The following NOSTRIN variants were observed in gnomAD, a reference collection of about 807,000 sequenced individuals.
NOSTRIN encodes the protein BM247 homolog.
In NOSTRIN, 63 loss-of-function variants were observed where a neutral mutation model predicts 59.0. The ratio of observed to expected loss-of-function variants is 1.07; its 90% CI spans 0.87 to 1.32. The LOEUF is 1.32. NOSTRIN is among the 40% of genes most tolerant of loss of function. NOSTRIN has a pLI of 0.00. For synonymous variants in NOSTRIN, 200 were observed against 165.4 expected (o/e 1.21, Z -1.61); for missense variants, 512 against 473.1 (o/e 1.08, Z -0.76).
upstream of NOSTRIN, among the ~76,000 whole-genome samples, chr2:168,797,079 C>CTTTTCTTTTTTTTTTTTTTTT (rs1553519713): frequency 2.7e-5 from 2 of 75,056 alleles, no homozygotes; most frequent in Non-Finnish European, 2.5e-5. Context: ...TTTCTTTTTT[C>CTTTTCTTTTTTTTTTTTTTTT]TTTTTTTTTT....
At chr2:168,819,969 TTA>T (rs1686637906) in intron 2 of NOSTRIN, among the ~76,000 whole-genome samples, 1 of 152,106 alleles carries the variant, frequency 6.6e-6, no homozygotes, top group African/African-American at 2.4e-5. Context: ...TGGAAGCTCG[TTA>T]TGTCTGCTCT....
At chr2:168,789,784 C>G (rs1178822549) in intron 2 of NOSTRIN, among the ~76,000 whole-genome samples, 1 of 152,160 alleles carries the variant, frequency 6.6e-6, no homozygotes, top group East Asian at 1.9e-4. Context: ...CTTAAAGTAG[C>G]TGGTACAAAC....
chr2:168,855,317 T>TC (rs1419504848), intron 10 of NOSTRIN, 35 bp from the exon 11 acceptor site: 1 of 1,118,630 alleles, frequency 8.9e-7, no homozygotes, highest in Non-Finnish European at 1.3e-6. Context: ...TCTTACTTCT[T>TC]CCCCCTTGTT....
At chr2:168,788,401 G>A (rs559076472) in intron 2 of NOSTRIN, among the ~76,000 whole-genome samples, 1 of 152,284 alleles carries the variant, frequency 6.6e-6, no homozygotes, top group East Asian at 1.9e-4. Flanking sequence ...ACTGTGGCCC[G>A]GAGTGGAATG....
At chr2:168,813,285 T>C (rs1373869281) in intron 2 of NOSTRIN, among the ~76,000 whole-genome samples, 2 of 152,230 alleles carry the variant, frequency 1.3e-5, no homozygotes, top group African/African-American at 4.8e-5. Context: ...TGTAGTCATC[T>C]GGGCATTAAT....
chr2:168,820,714 T>A (rs1208063536), intron 2 of NOSTRIN, among the ~76,000 whole-genome samples: 3 of 41,100 alleles, frequency 7.3e-5, no homozygotes, highest in African/African-American at 3.1e-4. Context: ...GGAGAAAAGC[T>A]GGCCAAAAAA....
chr2:168,793,577 C>T (rs1685410275), upstream of NOSTRIN, among the ~76,000 whole-genome samples: 1 of 152,168 alleles, frequency 6.6e-6, no homozygotes, highest in African/African-American at 2.4e-5. Context: ...TGTCACTGCA[C>T]TCCAGCCTGA....
chr2:168,837,088 A>T (rs1202135070), intron 7 of NOSTRIN, among the ~76,000 whole-genome samples: 2 of 152,080 alleles, frequency 1.3e-5, no homozygotes. Flanking sequence ...GGCCTCTTCT[A>T]TAAGGGCAGT....
chr2:168,861,367 C>T (rs917149927), intron 14 of NOSTRIN, among the ~76,000 whole-genome samples: 1 of 152,102 alleles, frequency 6.6e-6, no homozygotes, highest in African/African-American at 2.4e-5. Context: ...CATTCATGCA[C>T]CCACACACCA....
At chr2:168,818,017 C>T (rs897584184) in intron 2 of NOSTRIN, among the ~76,000 whole-genome samples, 1 of 152,168 alleles carries the variant, frequency 6.6e-6, no homozygotes, top group East Asian at 1.9e-4. Flanking sequence ...GGTGCTGGTC[C>T]TAAGTAGGAA....
chr2:168,810,299 T>C (rs1324642001), intron 1 of NOSTRIN, among the ~76,000 whole-genome samples: 2 of 152,236 alleles, frequency 1.3e-5, no homozygotes, highest in African/African-American at 4.8e-5. Flanking sequence ...GTTAAACTAC[T>C]GCATAAGGGT....
At position 168,862,030 on chromosome 2, in the gene NOSTRIN, T is replaced by A; in HGVS notation, c.1365T>A (p.Asp455Glu). Residue 455 changes from aspartate to glutamate, a missense_variant, in exon 15 of 16, where the codon GAT (aspartate) becomes GAA (glutamate). Coordinates refer to ENST00000317647, the MANE Select transcript of NOSTRIN (RefSeq NM_001039724.4). Reference sequence around the variant, plus strand: ...ATTCTTTTCAAGCCAGGCAAGATGATGAGTTGAATTTGGAAAAGGGTAAGA... The same window carrying A: ...ATTCTTTTCAAGCCAGGCAAGATGAAGAGTTGAATTTGGAAAAGGGTAAGA... Reference protein sequence around the residue: ...ALYSFQARQDDELNLEKGDIV... With the variant: ...ALYSFQARQDEELNLEKGDIV... 1 of 1,614,152 alleles carries A rather than the reference T, an allele frequency of 6.2e-7. No homozygotes were observed. The highest frequency in any genetic ancestry group is 1.1e-5 in the South Asian group (1 of 91,082).
intron 8 of NOSTRIN, 38 bp from the exon 9 acceptor site, chr2:168,851,046 C>A (rs1478023206): frequency 8.4e-7 from 1 of 1,184,010 alleles, no homozygotes; most frequent in Non-Finnish European, 1.3e-6. Context: ...TTTTGCATAA[C>A]AACTGGCTGA....
At chr2:168,842,003 G>A (rs1223367299) in intron 7 of NOSTRIN, among the ~76,000 whole-genome samples, 1 of 152,204 alleles carries the variant, frequency 6.6e-6, no homozygotes, top group Non-Finnish European at 1.5e-5. Flanking sequence ...TTCCTGCTGG[G>A]AATGGGGCAG....
intron 7 of NOSTRIN, among the ~76,000 whole-genome samples, chr2:168,838,342 T>A (rs898911498): frequency 6.6e-6 from 1 of 152,150 alleles, no homozygotes; most frequent in Non-Finnish European, 1.5e-5. Context: ...CAGTTTCAAG[T>A]GATCCTCCTT....
At chr2:168,820,003 T>C (rs1686640302) in intron 2 of NOSTRIN, among the ~76,000 whole-genome samples, 1 of 152,186 alleles carries the variant, frequency 6.6e-6, no homozygotes, top group Non-Finnish European at 1.5e-5. Flanking sequence ...GAATTGGGAC[T>C]CCAGCTATTC....
rs761457159 is a variant in NOSTRIN, at chr2:168,861,962, C to G, written c.1297C>G (p.Pro433Ala). 1 of 1,614,030 alleles carries G rather than the reference C, an allele frequency of 6.2e-7. No individual in the cohort carries two copies. Among genetic ancestry groups the G allele is most frequent in the South Asian group, 1.1e-5 (1 of 91,060 alleles). ...QSNPGSSTPA[P>A]GAAQLSSRLC... ...AATTACAGCTTTATCTATTTCAGCC[C>G]CTGGTGCAGCCCAGCTCAGCAGCAG... Residue 433 changes from proline to alanine, a missense_variant and splice_region_variant, in exon 15 of 16, where the codon CCT becomes GCT. Physicochemically the swap from Pro to Ala is conservative, Grantham distance 27. Transcript: ENST00000317647.
In NOSTRIN at chr2:168,864,816, C is replaced by CT; in HGVS notation, c.1385-17dup. On this transcript the variant is annotated splice_polypyrimidine_tract_variant and intron_variant, in intron 15 of 15. Coordinates refer to ENST00000317647, the MANE Select transcript of NOSTRIN (RefSeq NM_001039724.4). The stretch of plus-strand genomic sequence containing the variant: ...GTTCACATCACAGAGACCCATTTGT[C>CT]TAACTGTATTTTCACAGGTGACATT... 1 of 1,613,280 alleles carries CT rather than the reference C, an allele frequency of 6.2e-7. No individual in the cohort carries two copies. Among genetic ancestry groups the CT allele is most frequent in the Non-Finnish European group, 8.5e-7 (1 of 1,179,534 alleles).
chr2:168,851,044 A>C (rs1187578651), intron 8 of NOSTRIN, 40 bp from the exon 9 acceptor site: 1 of 1,172,232 alleles, frequency 8.5e-7, no homozygotes, highest in African/African-American at 1.5e-5. Flanking sequence ...CATTTTGCAT[A>C]ACAACTGGCT....
Sources: allele counts gnomAD v4.1 joint callset (sites outside exome capture counted in the v4.1 genomes callset), GRCh38; gene constraint gnomAD v4.1.1; transcripts MANE v1.5; gene names NCBI Gene and HGNC (gene_info 2026-07-23, HGNC 2026-07-21).